The following CATSPERD variants were observed in gnomAD, a reference collection of about 807,000 sequenced individuals.
CATSPERD encodes the protein catsper channel auxiliary subunit delta, also known as cation channel sperm-associated auxiliary subunit delta.
CATSPERD carries 86 observed loss-of-function variants against 98.1 expected under a neutral mutation model. The observed-to-expected ratio is 0.88, with a 90% CI of 0.74 to 1.05. The LOEUF (loss-of-function observed/expected upper bound fraction) is 1.05. CATSPERD is among the 50% of genes least tolerant of loss of function. The probability of loss-of-function intolerance (pLI) is 0.00; values close to 1 mark genes in which losing one functional copy is unlikely to be tolerated. For synonymous variants in CATSPERD, 394 were observed against 390.2 expected, an observed-to-expected ratio of 1.01 and a Z score of -0.12; for missense variants, 995 against 1,005.7, an observed-to-expected ratio of 0.99 and a Z score of 0.14.
At chr19:5,776,014 C>T in intron 20 of CATSPERD, 147 bp from the exon 21 acceptor site, 1 of 782,518 alleles carries the variant, frequency 1.3e-6, no homozygotes, top group Non-Finnish European at 2.0e-6. Flanking sequence ...ATGAACCTGC[C>T]CACACCATGG....
intron 8 of CATSPERD, 50 bp from the exon 9 acceptor site, chr19:5,745,863 A>G: frequency 6.3e-7 from 1 of 1,594,660 alleles, no homozygotes; most frequent in South Asian, 1.1e-5. Flanking sequence ...ACTCAGTGGG[A>G]CTCCACAGTA....
intron 4 of CATSPERD, among the ~76,000 whole-genome samples, chr19:5,731,564 T>TTTTTTTTG (rs2055720639): frequency 4.6e-5 from 5 of 108,300 alleles, no homozygotes; most frequent in Non-Finnish European, 9.6e-5. Context: ...TTAACAGTTT[T>TTTTTTTTG]TTTTTTTTTT....
At chr19:5,763,346 C>G in intron 16 of CATSPERD, 53 bp downstream of exon 16, 1 of 1,456,806 alleles carries the variant, frequency 6.9e-7, no homozygotes, top group South Asian at 1.1e-5. Flanking sequence ...TGTTAAGACT[C>G]ATGGAAGCTG....
At chr19:5,757,186 G>T (rs1483663695) in intron 13 of CATSPERD, among the ~76,000 whole-genome samples, 2 of 152,016 alleles carry the variant, frequency 1.3e-5, no homozygotes, top group Non-Finnish European at 2.9e-5. Context: ...GGAGGCAGAG[G>T]TTGCAGTGAG....
chr19:5,749,208 T>G, intron 11 of CATSPERD, 25 bp downstream of exon 11: 2 of 1,572,416 alleles, frequency 1.3e-6, no homozygotes, highest in Non-Finnish European at 8.7e-7. Flanking sequence ...AGTGGGGTTA[T>G]GGGCTGGGCA....
chr19:5,753,693 C>G, intron 12 of CATSPERD: 2 of 292,006 alleles, frequency 6.8e-6, no homozygotes, highest in Non-Finnish European at 1.4e-5. Context: ...ACATAGTAAG[C>G]CCTTGTCTCT....
chr19:5,748,876 G>A (rs1341131021), intron 10 of CATSPERD, among the ~76,000 whole-genome samples: 1 of 150,632 alleles, frequency 6.6e-6, no homozygotes, highest in African/African-American at 2.4e-5. Context: ...CTACAGGCGC[G>A]CACCACCATG....
At chr19:5,769,966 G>T (rs1342262660) in intron 18 of CATSPERD, among the ~76,000 whole-genome samples, 1 of 151,780 alleles carries the variant, frequency 6.6e-6, no homozygotes, top group East Asian at 1.9e-4. Context: ...GCACATGCCT[G>T]TAGTCCCAGC....
intron 19 of CATSPERD, among the ~76,000 whole-genome samples, chr19:5,771,530 G>A (rs1428959656): frequency 2.0e-5 from 3 of 151,578 alleles, no homozygotes; most frequent in South Asian, 4.2e-4. Context: ...GAGCCACTGC[G>A]CCCGGCCGAT....
intron 7 of CATSPERD, among the ~76,000 whole-genome samples, chr19:5,740,459 T>C (rs895949600): frequency 6.6e-6 from 1 of 151,584 alleles, no homozygotes; most frequent in African/African-American, 2.4e-5. Context: ...TGGTGCCTCA[T>C]GCCTGTAATC....
intron 15 of CATSPERD, among the ~76,000 whole-genome samples, chr19:5,762,058 A>ATATATATATATATATTTTTTTTTTTT: frequency 3.8e-4 from 4 of 10,438 alleles, no homozygotes; most frequent in Non-Finnish European, 7.2e-4. Context: ...ATATATATAT[A>ATATATATATATATATTTTTTTTTTTT]TTTTTTTTTT....
rs369673562 is a variant in CATSPERD at position 5,761,783 on chromosome 19, A to G, written c.1428-1432A>G. On this transcript the variant is annotated intron_variant, in intron 15 of 21. Transcript: ENST00000381624. ...AATGGCACGATCTCGGCTCACTGCA[A>G]TCTCCACCTCCTGGGTTCAAGCGGT... 2.7e-4 allele frequency among the ~76,000 whole-genome samples: 41 copies of G among 151,326 alleles called. No homozygotes were observed. The East Asian group carries it at 6.0e-3, about 22-fold the overall frequency.
Position 5,720,826 on chromosome 19 carries a change from C to T in CATSPERD, c.71+18C>T. ...CTCTGTCGGTGGGGCTGCCAGGACT[C>T]CTGGGGCTGGGGTGCTGCCGGGGGT... On this transcript the variant is annotated intron_variant, in intron 1 of 21. Coordinates refer to ENST00000381624, the MANE Select transcript of CATSPERD (RefSeq NM_152784.4). 1.3e-6 allele frequency: 2 copies of T among 1,592,954 alleles called. No homozygotes were observed. Among genetic ancestry groups the T allele is most frequent in the South Asian group, 2.2e-5 (2 of 90,234 alleles).
chr19:5,741,806 GATCAC>G (rs2055977617), intron 7 of CATSPERD, among the ~76,000 whole-genome samples: 1 of 128,066 alleles, frequency 7.8e-6, no homozygotes, highest in African/African-American at 2.9e-5. Context: ...GGGTGGTGTG[GATCAC>G]TTGAGGTCAG....
At chr19:5,741,040 ACGCCAT>A (rs1344319552) in intron 7 of CATSPERD, among the ~76,000 whole-genome samples, 1 of 114,684 alleles carries the variant, frequency 8.7e-6, no homozygotes, top group Non-Finnish European at 2.0e-5. Context: ...AGCTGAGACA[ACGCCAT>A]TGCACTGCAG....
chr19:5,739,298 A>ATTAT (rs1417534126), intron 6 of CATSPERD, 28 bp from the exon 7 acceptor site: 1 of 1,245,028 alleles, frequency 8.0e-7, no homozygotes, highest in African/African-American at 1.5e-5. Context: ...TCTTTCTTTC[A>ATTAT]TTCTTTCTTT....
In CATSPERD at chr19:5,752,132, C is replaced by T. The variant is rs185554141; in HGVS notation, c.1164+309C>T. Among the ~76,000 whole-genome samples the T allele has an allele frequency of 1.1e-3, 161 of 151,970 alleles. 1 individual carries two copies. Among genetic ancestry groups the T allele is most frequent in the African/African-American group, 3.6e-3 (151 of 41,490 alleles). On this transcript the variant is annotated intron_variant, in intron 12 of 21. Coordinates refer to ENST00000381624, the MANE Select transcript of CATSPERD (RefSeq NM_152784.4). The stretch of plus-strand genomic sequence containing the variant: ...CAGACCAGCCTGGCCAACATGGTGA[C>T]ACCCCATCTCTACTAAAAATACGAA...
chr19:5,725,125 G>A (rs1057491794), intron 2 of CATSPERD, among the ~76,000 whole-genome samples: 4 of 152,068 alleles, frequency 2.6e-5, no homozygotes, highest in Non-Finnish European at 4.4e-5. Context: ...AGTTTTTATC[G>A]AGTGTTCTGT....
intron 4 of CATSPERD, among the ~76,000 whole-genome samples, chr19:5,733,278 G>A (rs561355487): frequency 7.3e-4 from 110 of 150,448 alleles, no homozygotes; most frequent in African/African-American, 2.6e-3. Context: ...ATAGGTGTAA[G>A]CCACTGCGCC....
Sources: allele counts gnomAD v4.1 joint callset (sites outside exome capture counted in the v4.1 genomes callset), GRCh38; gene constraint gnomAD v4.1.1; transcripts MANE v1.5; gene names NCBI Gene and HGNC (gene_info 2026-07-23, HGNC 2026-07-21).